LRMDA: variants seen among roughly 807,000 people sequenced by gnomAD.
The protein encoded by LRMDA is leucine rich melanocyte differentiation associated.
In LRMDA, 18 loss-of-function variants were observed where a neutral mutation model predicts 29.8. The observed-to-expected ratio is 0.60, with a 90% CI of 0.42 to 0.90. The LOEUF is 0.90. LRMDA is among the 40% of genes least tolerant of loss of function. The pLI, the probability that LRMDA is intolerant of heterozygous loss-of-function variation, is 0.00. For missense variants in LRMDA, 273 were observed against 273.9 expected (o/e 1.00, Z 0.02); for synonymous variants, 125 against 109.4 (o/e 1.14, Z -0.89).
chr10:76,396,768 A>G (rs373315683), intron 6 of LRMDA, among the ~76,000 whole-genome samples: 6 of 152,226 alleles, frequency 3.9e-5, no homozygotes, highest in African/African-American at 1.4e-4. Context: ...GGAGTTGCCA[A>G]CAGCCAATGA....
intron 5 of LRMDA, among the ~76,000 whole-genome samples, chr10:76,069,864 G>A (rs1589313214): frequency 6.6e-6 from 1 of 152,024 alleles, no homozygotes. Context: ...GTTTTTCTGG[G>A]GAGGTTTTAA....
chr10:76,503,935 C>T (rs1842936061), intron 6 of LRMDA, among the ~76,000 whole-genome samples: 1 of 149,260 alleles, frequency 6.7e-6, no homozygotes, highest in African/African-American at 2.5e-5. Context: ...AACTTGAGGT[C>T]TTTCTAACTT....
intron 2 of LRMDA, among the ~76,000 whole-genome samples, chr10:76,010,750 C>T (rs1229009118): frequency 6.6e-6 from 1 of 152,248 alleles, no homozygotes; most frequent in Non-Finnish European, 1.5e-5. Context: ...CTCCCTGAAT[C>T]CTGACCTCTG....
At chr10:75,977,319 C>T (rs532848707) in intron 2 of LRMDA, among the ~76,000 whole-genome samples, 41 of 152,266 alleles carry the variant, frequency 2.7e-4, no homozygotes, top group African/African-American at 9.6e-4. Context: ...GTTGCAGATG[C>T]TTCTTCCCCA....
chr10:76,107,541 A>G (rs1296297806), intron 5 of LRMDA, among the ~76,000 whole-genome samples: 1 of 152,174 alleles, frequency 6.6e-6, no homozygotes, highest in Non-Finnish European at 1.5e-5. Flanking sequence ...GATTCTGTGC[A>G]GCCCATCTGT....
At chr10:75,536,554 TG>T (rs1839950439) in intron 2 of LRMDA, among the ~76,000 whole-genome samples, 2 of 152,166 alleles carry the variant, frequency 1.3e-5, no homozygotes, top group Admixed American at 6.5e-5. Context: ...TCCACCCACT[TG>T]CTATTCTTTT....
intron 2 of LRMDA, among the ~76,000 whole-genome samples, chr10:75,782,285 T>G (rs944110342): frequency 2.6e-5 from 4 of 152,030 alleles, no homozygotes; most frequent in African/African-American, 7.2e-5. Context: ...AATGCAGTGT[T>G]TGTGTGTGGG....
intron 2 of LRMDA, among the ~76,000 whole-genome samples, chr10:75,581,810 G>A (rs1255789484): frequency 3.9e-5 from 6 of 152,148 alleles, no homozygotes; most frequent in Admixed American, 3.9e-4. Context: ...GGGAGGGATA[G>A]CATTAGGAGA....
intron 2 of LRMDA, among the ~76,000 whole-genome samples, chr10:75,912,241 C>T (rs1052968933): frequency 6.6e-6 from 1 of 152,168 alleles, no homozygotes; most frequent in South Asian, 2.1e-4. Flanking sequence ...ATGCTTTCAC[C>T]TAAATCCTTC....
At chr10:76,448,213 A>G (rs943110526) in intron 6 of LRMDA, among the ~76,000 whole-genome samples, 7 of 152,144 alleles carry the variant, frequency 4.6e-5, no homozygotes, top group Admixed American at 2.0e-4. Context: ...TTCACACTAT[A>G]TATTTCGTTT....
intron 5 of LRMDA, among the ~76,000 whole-genome samples, chr10:76,281,446 C>T (rs1463476293): frequency 1.3e-5 from 2 of 152,102 alleles, no homozygotes; most frequent in Non-Finnish European, 2.9e-5. Flanking sequence ...CATAACGGCC[C>T]TATTGAAAAC....
chr10:76,494,854 A>G (rs1240287899), intron 6 of LRMDA, among the ~76,000 whole-genome samples: 1 of 151,796 alleles, frequency 6.6e-6, no homozygotes, highest in Non-Finnish European at 1.5e-5. Flanking sequence ...TCATATCTCT[A>G]TTTAATATTT....
chr10:76,241,601 T>G (rs1247495), intron 5 of LRMDA, among the ~76,000 whole-genome samples: 92,276 of 152,052 alleles, frequency 0.61, 27,965 homozygotes, highest in Middle Eastern at 0.66. Context: ...ATATGAAGTG[T>G]TTCCAGATGC....
chr10:76,382,515 A>G lies in LRMDA; in HGVS notation c.601+58030A>G, dbSNP rs1481420514. Among the ~76,000 whole-genome samples the G allele has an allele frequency of 2.6e-5, 4 of 152,236 alleles. No homozygotes were observed. The East Asian group carries it at 5.8e-4, about 22-fold the overall frequency. ...GAAAGTAAACGACCCATGGTAAAGC[A>G]TTGTGAATGAAGGGAGAGGTGCTGT... On this transcript the variant is annotated intron_variant, in intron 6 of 6. Transcript: ENST00000611255.
chr10:75,945,700 C>T (rs533556210), intron 2 of LRMDA, among the ~76,000 whole-genome samples: 14 of 152,086 alleles, frequency 9.2e-5, no homozygotes, highest in Admixed American at 2.0e-4. Context: ...TAAGAGAAGA[C>T]GGAAATATAT....
chr10:75,592,349 T>G lies in LRMDA; in HGVS notation c.131+153855T>G, dbSNP rs578072466. ...TTGTTTGTCTGTTTGTGTTTTTTCT[T>G]CTTCTCACTTTAGGGCAGCGATAGG... On this transcript the variant is annotated intron_variant, in intron 2 of 6. Transcript: ENST00000611255. Among the ~76,000 whole-genome samples, 13 of 152,338 alleles carry G rather than the reference T, an allele frequency of 8.5e-5. No homozygotes were observed. The South Asian group carries it at 2.7e-3, about 32-fold the overall frequency.
intron 2 of LRMDA, among the ~76,000 whole-genome samples, chr10:75,610,646 C>A (rs1841017747): frequency 1.3e-5 from 2 of 152,142 alleles, no homozygotes; most frequent in Admixed American, 1.3e-4. Context: ...TGGGACTGGC[C>A]CATGTTCGGG....
intron 2 of LRMDA, among the ~76,000 whole-genome samples, chr10:75,592,493 A>G (rs1226367314): frequency 6.6e-6 from 1 of 152,186 alleles, no homozygotes; most frequent in Non-Finnish European, 1.5e-5. Context: ...TGGGACGGCA[A>G]GGCTATCCGT....
intron 2 of LRMDA, among the ~76,000 whole-genome samples, chr10:75,562,328 GT>G (rs1840308733): frequency 6.6e-6 from 1 of 151,992 alleles, no homozygotes; most frequent in Admixed American, 6.6e-5. Flanking sequence ...TTTAAAATCT[GT>G]TTTATCAGAG....
Sources: allele counts gnomAD v4.1 joint callset (sites outside exome capture counted in the v4.1 genomes callset), GRCh38; gene constraint gnomAD v4.1.1; transcripts MANE v1.5; gene names NCBI Gene and HGNC (gene_info 2026-07-23, HGNC 2026-07-21).